The following ADGB variants were observed in gnomAD, a reference collection of about 807,000 sequenced individuals.
ADGB encodes the protein calpain-7-like protein.
ADGB carries 172 observed loss-of-function variants against 210.5 expected under a neutral mutation model. That is an observed-to-expected ratio of 0.82 (90% CI 0.72 to 0.93). The LOEUF is 0.93. Among genes scored for constraint, ADGB ranks in the 40% least tolerant of loss-of-function variants. The pLI is 0.00. For missense variants in ADGB, 2,025 were observed against 1,964.8 expected (o/e 1.03, Z -0.58); for synonymous variants, 658 against 662.7 (o/e 0.99, Z 0.11).
intron 1 of ADGB, among the ~76,000 whole-genome samples, chr6:146,613,979 T>C (rs570320329): frequency 9.9e-5 from 15 of 152,166 alleles, no homozygotes; most frequent in African/African-American, 3.4e-4. Flanking sequence ...GGATATTTGA[T>C]ATGCCAAGAA....
At chr6:146,792,001 C>T (rs1417213861) in intron 33 of ADGB, among the ~76,000 whole-genome samples, 1 of 148,542 alleles carries the variant, frequency 6.7e-6, no homozygotes, top group Non-Finnish European at 1.5e-5. Flanking sequence ...AATTCCTGGG[C>T]TCAAGCTATG....
intron 35 of ADGB, among the ~76,000 whole-genome samples, chr6:146,809,785 T>C (rs1054122238): frequency 1.1e-4 from 16 of 152,178 alleles, no homozygotes; most frequent in Admixed American, 7.9e-4. Context: ...AATAGGAACA[T>C]TGCCCTATGC....
At chr6:146,759,071 G>A (rs959267180) in intron 27 of ADGB, among the ~76,000 whole-genome samples, 36 of 151,774 alleles carry the variant, frequency 2.4e-4, no homozygotes, top group African/African-American at 6.8e-4. Flanking sequence ...TATCCTTTAC[G>A]GTATGTATTT....
chr6:146,773,124 G>A (rs1562297457), intron 29 of ADGB, among the ~76,000 whole-genome samples: 1 of 151,452 alleles, frequency 6.6e-6, no homozygotes, highest in African/African-American at 2.4e-5. Context: ...AGAAATGGTG[G>A]GGAGGAAAGA....
At position 146,807,371 on chromosome 6, in the gene ADGB, A is replaced by AC. The variant is rs1403626630; in HGVS notation, c.4818+5360_4818+5361insC. 13 of 1,545,818 alleles carry AC rather than the reference A, an allele frequency of 8.4e-6. No homozygotes were observed. In the South Asian group the frequency reaches 8.4e-5, roughly 10 times the overall value. ...GGGAACGTAAGCCTTTACCAGTGGA[A>AC]TTATTTGTTTGGGGTTTTGCTTTGG... is the stretch of plus-strand genomic sequence containing the variant. On this transcript the variant is annotated intron_variant, in intron 35 of 35. Coordinates refer to ENST00000397944, the MANE Select transcript of ADGB (RefSeq NM_024694.4).
chr6:146,631,767 T>C (rs2114854998), intron 1 of ADGB, among the ~76,000 whole-genome samples: 1 of 152,126 alleles, frequency 6.6e-6, no homozygotes, highest in Non-Finnish European at 1.5e-5. Flanking sequence ...CTGAGTAGTA[T>C]AAAAATGAAG....
intron 9 of ADGB, among the ~76,000 whole-genome samples, chr6:146,680,077 T>C (rs181600832): frequency 2.5e-3 from 386 of 152,312 alleles, no homozygotes; most frequent in Non-Finnish European, 4.5e-3. Context: ...TGAGAAAAAC[T>C]GCTAGCTTTT....
At chr6:146,807,992 G>GTTTTTTTTTTTTTTTTTTT (rs369961809) in intron 35 of ADGB, among the ~76,000 whole-genome samples, 2 of 103,162 alleles carry the variant, frequency 1.9e-5, no homozygotes, top group Non-Finnish European at 3.6e-5. Flanking sequence ...CTATGCTTCA[G>GTTTTTTTTTTTTTTTTTTT]TTTTTTTTTT....
intron 4 of ADGB, among the ~76,000 whole-genome samples, chr6:146,654,977 A>G (rs190451951): frequency 3.9e-4 from 60 of 152,118 alleles, no homozygotes; most frequent in African/African-American, 1.3e-3. Flanking sequence ...CTCCTTCCAG[A>G]CCCTGGTAAC....
chr6:146,711,054 G>A (rs2114557460), intron 13 of ADGB, among the ~76,000 whole-genome samples: 1 of 152,266 alleles, frequency 6.6e-6, no homozygotes, highest in East Asian at 1.9e-4. Flanking sequence ...GGGAGATAAA[G>A]ATTTAGCTCA....
At chr6:146,641,542 G>C (rs1231112072) in intron 2 of ADGB, among the ~76,000 whole-genome samples, 1 of 151,796 alleles carries the variant, frequency 6.6e-6, no homozygotes, top group Non-Finnish European at 1.5e-5. Context: ...GCATGGTACT[G>C]ATATGAAAAC....
chr6:146,728,881 A>G, intron 20 of ADGB, 140 bp downstream of exon 20: 1 of 711,082 alleles, frequency 1.4e-6, no homozygotes, highest in Non-Finnish European at 2.2e-6. Context: ...TGATTTCAGA[A>G]AGCAGAAATG....
chr6:146,654,824 C>G (rs1775756930), intron 4 of ADGB, among the ~76,000 whole-genome samples: 1 of 152,012 alleles, frequency 6.6e-6, no homozygotes, highest in Non-Finnish European at 1.5e-5. Flanking sequence ...GTGTTAAGAA[C>G]ACTGAAGATC....
chr6:146,741,038 A>T (rs189999846), intron 24 of ADGB, 80 bp from the exon 25 acceptor site: 12,395 of 1,186,810 alleles, frequency 0.01, 74 homozygotes, highest in Non-Finnish European at 0.013. Flanking sequence ...TTTTTAAAAA[A>T]ATTTCTTGGC....
At chr6:146,725,858 CCTAA>C (rs975007620) in intron 18 of ADGB, 6 of 391,802 alleles carry the variant, frequency 1.5e-5, no homozygotes, top group African/African-American at 6.0e-5. Flanking sequence ...TGGTATTTAG[CCTAA>C]CTATTTTTGT....
At chr6:146,601,804 T>A (rs968101524) in intron 1 of ADGB, among the ~76,000 whole-genome samples, 1 of 152,222 alleles carries the variant, frequency 6.6e-6, no homozygotes, top group Admixed American at 6.5e-5. Context: ...GGAATAAGTG[T>A]CATGTTTGGC....
In ADGB at chr6:146,805,595, A is replaced by G. The variant is rs568798557; in HGVS notation, c.4818+3584A>G. Among the ~76,000 whole-genome samples, 4 of 152,330 alleles carry G rather than the reference A, an allele frequency of 2.6e-5. No individual in the cohort carries two copies. In the South Asian group the frequency reaches 6.2e-4, roughly 24 times the overall value. ...CAGAGCTTTCCTCTCTGATCTTTTT[A>G]TCCACCTTTTGCCTAGGTGACTTTG... On this transcript the variant is annotated intron_variant, in intron 35 of 35. Transcript: ENST00000397944.
At position 146,753,472 on chromosome 6, in the gene ADGB, C is replaced by T. The variant is rs375067094; in HGVS notation, c.3550+758C>T. 2.0e-4 allele frequency among the ~76,000 whole-genome samples: 30 copies of T among 152,010 alleles called. 1 individual carries two copies. Among genetic ancestry groups the T allele is most frequent in the African/African-American group, 6.5e-4 (27 of 41,516 alleles). On this transcript the variant is annotated intron_variant, in intron 27 of 35. Transcript: ENST00000397944. ...TGTGGCCTTGGCTGGGACCTCCAAA[C>T]CAAGGTTAAATAACTGATGATGACG...
chr6:146,787,133 G>T (rs1777884888), intron 32 of ADGB, among the ~76,000 whole-genome samples: 1 of 152,128 alleles, frequency 6.6e-6, no homozygotes, highest in Non-Finnish European at 1.5e-5. Flanking sequence ...GCAGGCCAAG[G>T]ACAAGGCCTA....
Sources: allele counts gnomAD v4.1 joint callset (sites outside exome capture counted in the v4.1 genomes callset), GRCh38; gene constraint gnomAD v4.1.1; transcripts MANE v1.5; gene names NCBI Gene and HGNC (gene_info 2026-07-23, HGNC 2026-07-21).